The following ZBTB46 variants were observed in gnomAD, a reference collection of about 807,000 sequenced individuals.
The protein encoded by ZBTB46 is zinc finger and BTB domain containing 46, also known as zinc finger and BTB domain-containing protein 46.
Under a neutral mutation model 44.1 loss-of-function variants are expected in ZBTB46, and 8 were observed. The observed-to-expected ratio is 0.18, with a 90% CI of 0.11 to 0.33. The LOEUF (loss-of-function observed/expected upper bound fraction) is 0.33, where lower values mean the gene tolerates loss of function less well. Ranked by LOEUF, ZBTB46 falls within the 10% of genes least tolerant of loss-of-function variation. The probability of loss-of-function intolerance (pLI) is 1.00; values close to 1 mark genes in which losing one functional copy is unlikely to be tolerated. For missense variants in ZBTB46, 651 were observed against 847.7 expected (o/e 0.77, Z 2.88); for synonymous variants, 409 against 382.3 (o/e 1.07, Z -0.81).
At chr20:63,776,606 C>G (rs1184295240) in intron 2 of ZBTB46, among the ~76,000 whole-genome samples, 1 of 152,120 alleles carries the variant, frequency 6.6e-6, no homozygotes, top group Non-Finnish European at 1.5e-5. Flanking sequence ...GAGTTCAAGG[C>G]CAGCCTGGCC....
At chr20:63,754,181 T>C (rs2092197858) in intron 3 of ZBTB46, among the ~76,000 whole-genome samples, 1 of 152,232 alleles carries the variant, frequency 6.6e-6, no homozygotes, top group Non-Finnish European at 1.5e-5. Flanking sequence ...TTCGGACGCA[T>C]GTCCCCGCCG....
chr20:63,832,748 C>T (rs2092858522), upstream of ZBTB46, among the ~76,000 whole-genome samples: 1 of 151,738 alleles, frequency 6.6e-6, no homozygotes, highest in Non-Finnish European at 1.5e-5. The surrounding 1 kb of genome is among the most constrained non-coding windows in gnomAD (Gnocchi z 5.0). Context: ...GGTGGCACTG[C>T]CTGCTCTGGT....
chr20:63,764,365 G>A (rs2092300837), intron 3 of ZBTB46, among the ~76,000 whole-genome samples: 1 of 152,040 alleles, frequency 6.6e-6, no homozygotes, highest in South Asian at 2.1e-4. Context: ...GAACTCGGGA[G>A]GCAGAGGTTG....
chr20:63,819,793 C>G (rs2092780778), intron 1 of ZBTB46, among the ~76,000 whole-genome samples: 1 of 152,216 alleles, frequency 6.6e-6, no homozygotes, highest in Non-Finnish European at 1.5e-5. Context: ...AGAAAAGCAA[C>G]TGGGACGCTC....
At chr20:63,763,327 G>A (rs1461606068) in intron 3 of ZBTB46, among the ~76,000 whole-genome samples, 1 of 152,048 alleles carries the variant, frequency 6.6e-6, no homozygotes, top group Non-Finnish European at 1.5e-5. Context: ...ATTGTATCGG[G>A]CCATTCTTGC....
At chr20:63,774,262 T>C (rs2092401857) in intron 3 of ZBTB46, among the ~76,000 whole-genome samples, 2 of 152,136 alleles carry the variant, frequency 1.3e-5, no homozygotes, top group Non-Finnish European at 2.9e-5. Flanking sequence ...GTAGTCTTTA[T>C]TACCCACAAA....
intron 1 of ZBTB46, among the ~76,000 whole-genome samples, chr20:63,829,899 T>TA (rs2092838716): frequency 6.6e-6 from 1 of 152,192 alleles, no homozygotes; most frequent in African/African-American, 2.4e-5. Context: ...CTACAATCGA[T>TA]ACAATTAAAA....
At chr20:63,825,555 T>C (rs1299113185) in intron 1 of ZBTB46, among the ~76,000 whole-genome samples, 1 of 152,080 alleles carries the variant, frequency 6.6e-6, no homozygotes, top group Non-Finnish European at 1.5e-5. Flanking sequence ...TCCCTGCACT[T>C]GCTGTTCCTC....
chr20:63,747,592 C>T (rs373116710), intron 4 of ZBTB46, among the ~76,000 whole-genome samples: 1 of 140,846 alleles, frequency 7.1e-6, no homozygotes, highest in Non-Finnish European at 1.5e-5. Context: ...CACAGCCTCC[C>T]GGGCCCTCCG....
rs2092092719 is a variant in ZBTB46 at position 63,746,704 on chromosome 20, G to A, written c.*226C>T. On this transcript the variant is annotated 3_prime_UTR_variant, in exon 5 of 5. Coordinates refer to ENST00000245663, the MANE Select transcript of ZBTB46 (RefSeq NM_001369741.1). ...CTCTCCCTTCACTCAAACCCACCCT[G>A]TGCCCTCCCCCAACTCACTTCATGT... 2 of 630,264 alleles carry A rather than the reference G, an allele frequency of 3.2e-6. No homozygotes were observed. Among genetic ancestry groups the A allele is most frequent in the Non-Finnish European group, 5.0e-6 (2 of 402,734 alleles). The allele number at this position is 630,264 out of a possible 1,614,324, so 39.0% of individuals were successfully genotyped here.
chr20:63,828,602 A>C (rs1207937714), intron 1 of ZBTB46, among the ~76,000 whole-genome samples: 1 of 152,224 alleles, frequency 6.6e-6, no homozygotes, highest in East Asian at 1.9e-4. Context: ...GCCCAGGGAG[A>C]AGCAGCAGCC....
At chr20:63,828,025 G>A (rs1252954758) in intron 1 of ZBTB46, among the ~76,000 whole-genome samples, 2 of 152,354 alleles carry the variant, frequency 1.3e-5, no homozygotes, top group African/African-American at 4.8e-5. Flanking sequence ...GCCTCAAGCG[G>A]CCCGCCCGCC....
intron 3 of ZBTB46, among the ~76,000 whole-genome samples, chr20:63,766,747 A>G (rs1019821625): frequency 2.6e-5 from 4 of 152,170 alleles, no homozygotes; most frequent in Non-Finnish European, 4.4e-5. Flanking sequence ...AACTCATCTC[A>G]GGAACATAAA....
chr20:63,815,181 C>CA, intron 1 of ZBTB46: 1 of 228,028 alleles, frequency 4.4e-6, no homozygotes, highest in Non-Finnish European at 8.9e-6. Context: ...GTGCAGTGGG[C>CA]CCAGGTGCAG....
At chr20:63,793,696 C>G (rs1226015896) in intron 1 of ZBTB46, among the ~76,000 whole-genome samples, 2 of 151,938 alleles carry the variant, frequency 1.3e-5, no homozygotes, top group Non-Finnish European at 1.5e-5. Flanking sequence ...ACGGTCCACA[C>G]CTCCACGTAA....
chr20:63,823,558 G>A (rs1055275269), intron 1 of ZBTB46, among the ~76,000 whole-genome samples: 4 of 151,800 alleles, frequency 2.6e-5, no homozygotes, highest in African/African-American at 7.3e-5. Context: ...AAAATTGGCC[G>A]GGTGTGGTGG....
chr20:63,779,706 G>A (rs1038868577), intron 2 of ZBTB46, among the ~76,000 whole-genome samples: 3 of 151,380 alleles, frequency 2.0e-5, no homozygotes, highest in African/African-American at 4.9e-5. Context: ...AGGCCTGTGA[G>A]CCACCGCGCC....
chr20:63,826,724 C>T (rs2092821581), intron 1 of ZBTB46, among the ~76,000 whole-genome samples: 1 of 152,138 alleles, frequency 6.6e-6, no homozygotes, highest in African/African-American at 2.4e-5. Context: ...GACTCCCTCT[C>T]AAAAAAAGAA....
intron 3 of ZBTB46, among the ~76,000 whole-genome samples, chr20:63,772,752 CACACACACACACA>C (rs1236784898): frequency 0.17 from 14,755 of 87,890 alleles, 1,151 homozygotes; most frequent in East Asian, 0.5. Context: ...CACACACACA[CACACACACACACA>C]CAGAAGTGCG....
Sources: gnomAD v4.1 joint callset for allele counts (sites outside exome capture counted in the v4.1 genomes callset) on GRCh38, gnomAD v4.1.1 for gene constraint, Gnocchi (gnomAD v3.1) non-coding constraint, MANE v1.5 for transcripts, NCBI Gene and HGNC (gene_info 2026-07-23, HGNC 2026-07-21) for gene names.